SLC9A9: variants seen among roughly 807,000 people sequenced by gnomAD.
The protein encoded by SLC9A9 is solute carrier family 9 member A9.
A neutral mutation model predicts 77.8 loss-of-function variants in SLC9A9; 62 were observed. That is an observed-to-expected ratio of 0.80 (90% confidence interval 0.65 to 0.98). SLC9A9 has a LOEUF of 0.98. SLC9A9 is among the 50% of genes least tolerant of loss of function. The pLI is 0.00. For synonymous variants in SLC9A9, 320 were observed against 283.5 expected, an observed-to-expected ratio of 1.13 and a Z score of -1.29; for missense variants, 775 against 774.9, an observed-to-expected ratio of 1.00 and a Z score of 0.00.
At chr3:143,349,941 G>C (rs374274835) in intron 14 of SLC9A9, among the ~76,000 whole-genome samples, 1 of 152,282 alleles carries the variant, frequency 6.6e-6, no homozygotes, top group African/African-American at 2.4e-5. Context: ...AACTCCATCC[G>C]CGAGGCAAGG....
chr3:143,681,297 GT>G (rs141586406), intron 5 of SLC9A9, among the ~76,000 whole-genome samples: 6,997 of 151,426 alleles, frequency 0.046, 211 homozygotes, highest in East Asian at 0.11. Flanking sequence ...TATTTAAACA[GT>G]TTTTTTTTAC....
rs1428129545 is a variant in SLC9A9 at position 143,265,743 on chromosome 3, A to C, written c.*959T>G. ...GGCTCCTCAGTGTAACCCACACATC[A>C]TTGGCTCTGTTCCTCTCGCCCTGCT... On this transcript the variant is annotated 3_prime_UTR_variant, in exon 16 of 16. Coordinates refer to ENST00000316549, the MANE Select transcript of SLC9A9 (RefSeq NM_173653.4). 1.1e-5 allele frequency: 5 copies of C among 468,082 alleles called. 1 individual carries two copies. In the South Asian group the frequency reaches 2.1e-4, roughly 20 times the overall value. 29.0% of individuals were successfully genotyped at this position (468,082 alleles called of 1,614,324 possible).
rs1412096997 is a variant in SLC9A9 at position 143,467,023 on chromosome 3, A to G, written c.1469+14T>C. ...GCCTCATAATGATTTCCTTTGCTAG[A>G]CGGTGTCACTCACCTGATCTGAAGC... is the stretch of plus-strand genomic sequence containing the variant. On this transcript the variant is annotated intron_variant, in intron 12 of 15. Transcript: ENST00000316549. 1.2e-6 allele frequency: 2 copies of G among 1,612,448 alleles called. No individual in the cohort carries two copies. Among genetic ancestry groups the G allele is most frequent in the Admixed American group, 1.7e-5 (1 of 59,794 alleles).
At chr3:143,486,231 A>C (rs2035651252) in intron 11 of SLC9A9, among the ~76,000 whole-genome samples, 1 of 152,190 alleles carries the variant, frequency 6.6e-6, no homozygotes, top group Non-Finnish European at 1.5e-5. Flanking sequence ...GTGAGGGAGA[A>C]ATTAAGGCAT....
At chr3:143,286,370 C>T (rs73868713) in intron 14 of SLC9A9, among the ~76,000 whole-genome samples, 339 of 152,278 alleles carry the variant, frequency 2.2e-3, no homozygotes, top group African/African-American at 7.5e-3. Context: ...AGGCTGTGAC[C>T]TTCCTGCAGA....
chr3:143,781,770 C>T (rs2007889501), intron 4 of SLC9A9, among the ~76,000 whole-genome samples: 1 of 152,200 alleles, frequency 6.6e-6, no homozygotes, highest in Non-Finnish European at 1.5e-5. Flanking sequence ...GCAATGAGGT[C>T]ATCATTCATG....
intron 5 of SLC9A9, among the ~76,000 whole-genome samples, chr3:143,667,112 T>C (rs1274687259): frequency 6.6e-6 from 1 of 152,210 alleles, no homozygotes; most frequent in Non-Finnish European, 1.5e-5. Flanking sequence ...TAAAACAGCA[T>C]GGTACTGGTA....
intron 4 of SLC9A9, among the ~76,000 whole-genome samples, chr3:143,699,864 G>A (rs889780059): frequency 4.6e-5 from 7 of 151,922 alleles, no homozygotes; most frequent in Non-Finnish European, 7.4e-5. Flanking sequence ...TGGCTAATGC[G>A]GTGCCTGTGT....
intron 8 of SLC9A9, among the ~76,000 whole-genome samples, chr3:143,569,886 T>C (rs73001726): frequency 0.033 from 5,007 of 150,936 alleles, 277 homozygotes; most frequent in African/African-American, 0.11. Context: ...TCATAGCTCA[T>C]TGCAGTCTTG....
rs527729135 is a variant in SLC9A9, at chr3:143,648,123, T to C, written c.755+4132A>G. On this transcript the variant is annotated intron_variant, in intron 6 of 15. Transcript: ENST00000316549. ...GTAGATTACAGGGCCTTTACAACCATATTACTTTATTTATTACTCAGAATA... is the reference window on the plus strand; with the variant it reads ...GTAGATTACAGGGCCTTTACAACCACATTACTTTATTTATTACTCAGAATA... Among the ~76,000 whole-genome samples the C allele has an allele frequency of 3.4e-3, 334 of 97,668 alleles. 2 individuals are homozygous for C. The East Asian group carries it at 0.035, about 10-fold the overall frequency. 64.1% of individuals were successfully genotyped at this position (97,668 alleles called of 152,430 possible).
chr3:143,639,184 CT>C (rs1387861696), intron 6 of SLC9A9, among the ~76,000 whole-genome samples: 1 of 152,216 alleles, frequency 6.6e-6, no homozygotes, highest in Non-Finnish European at 1.5e-5. Flanking sequence ...CCTCCACCCC[CT>C]GAAGTGAGAG....
At chr3:143,297,400 A>G (rs1488667565) in intron 14 of SLC9A9, among the ~76,000 whole-genome samples, 1 of 152,150 alleles carries the variant, frequency 6.6e-6, no homozygotes, top group African/African-American at 2.4e-5. Context: ...TTGTTTGTCT[A>G]TTTTTATGCC....
chr3:143,513,511 C>A (rs562184670), intron 9 of SLC9A9, among the ~76,000 whole-genome samples: 37 of 152,302 alleles, frequency 2.4e-4, no homozygotes, highest in Admixed American at 6.5e-5. Flanking sequence ...TTGGAATCAA[C>A]TTCTTCCAAA....
intron 15 of SLC9A9, among the ~76,000 whole-genome samples, chr3:143,268,419 T>A (rs1462729989): frequency 6.6e-6 from 1 of 152,098 alleles, no homozygotes; most frequent in East Asian, 1.9e-4. Context: ...TGCTTCCTAG[T>A]GCAGTGAATT....
chr3:143,831,234 G>A (rs2009427278), intron 2 of SLC9A9, among the ~76,000 whole-genome samples: 1 of 152,082 alleles, frequency 6.6e-6, no homozygotes, highest in Non-Finnish European at 1.5e-5. Context: ...TCAAATAAGT[G>A]ATGTGAGATC....
chr3:143,588,984 G>T (rs1490454633), intron 6 of SLC9A9, among the ~76,000 whole-genome samples: 4 of 152,088 alleles, frequency 2.6e-5, no homozygotes, highest in African/African-American at 9.7e-5. Flanking sequence ...GATATAAAAA[G>T]GTATGGAAAA....
chr3:143,783,753 A>T (rs2007957936), intron 4 of SLC9A9, among the ~76,000 whole-genome samples: 1 of 152,220 alleles, frequency 6.6e-6, no homozygotes, highest in African/African-American at 2.4e-5. Flanking sequence ...AGAAGAGCAA[A>T]CAATTATGTT....
At chr3:143,591,886 G>A (rs2037650984) in intron 6 of SLC9A9, among the ~76,000 whole-genome samples, 1 of 152,116 alleles carries the variant, frequency 6.6e-6, no homozygotes, top group African/African-American at 2.4e-5. Flanking sequence ...GAAGGAGGGA[G>A]GTCAGTGGAC....
intron 4 of SLC9A9, among the ~76,000 whole-genome samples, chr3:143,782,463 T>G (rs2007913951): frequency 6.6e-6 from 1 of 152,194 alleles, no homozygotes; most frequent in African/African-American, 2.4e-5. Flanking sequence ...CAAGAGTAAG[T>G]TTAGCTTACA....
Sources: gnomAD v4.1 joint callset for allele counts (sites outside exome capture counted in the v4.1 genomes callset) on GRCh38, gnomAD v4.1.1 for gene constraint, MANE v1.5 for transcripts, NCBI Gene and HGNC (gene_info 2026-07-23, HGNC 2026-07-21) for gene names.